DLGAP5: variants seen among roughly 807,000 people sequenced by gnomAD.
The protein encoded by DLGAP5 is disks large-associated protein 5.
DLGAP5 carries 90 observed loss-of-function variants against 99.6 expected under a neutral mutation model. The observed-to-expected ratio is 0.90, with a 90% CI of 0.76 to 1.08. DLGAP5 has a LOEUF of 1.08. Ranked by LOEUF, DLGAP5 falls within the 50% of genes least tolerant of loss-of-function variation. The pLI is 0.00. For synonymous variants in DLGAP5, 311 were observed against 321.3 expected (o/e 0.97, Z 0.34); for missense variants, 1,036 against 983.5 (o/e 1.05, Z -0.71).
intron 14 of DLGAP5, among the ~76,000 whole-genome samples, chr14:55,155,476 A>G (rs1882181753): frequency 6.7e-6 from 1 of 148,846 alleles, no homozygotes; most frequent in African/African-American, 2.5e-5. Context: ...CCTCCCGAGT[A>G]GCTGGGATTA....
chr14:55,153,586 T>G (rs919434839), intron 15 of DLGAP5, among the ~76,000 whole-genome samples: 1 of 151,958 alleles, frequency 6.6e-6, no homozygotes, highest in Admixed American at 6.6e-5. Flanking sequence ...AGTTACTTTT[T>G]AAAAAAGATA....
chr14:55,170,581 T>C, intron 11 of DLGAP5, 121 bp downstream of exon 11: 1 of 826,530 alleles, frequency 1.2e-6, no homozygotes, highest in Non-Finnish European at 1.9e-6. Flanking sequence ...AAGAAAAAAT[T>C]CTTGCTACTT....
At chr14:55,179,547 T>A in intron 7 of DLGAP5, 82 bp downstream of exon 7, 1 of 1,211,558 alleles carries the variant, frequency 8.3e-7, no homozygotes, top group South Asian at 1.4e-5. Flanking sequence ...TTGAAGCAGT[T>A]CTTTATGTTT....
rs755073442 is a variant in DLGAP5 at position 55,151,701 on chromosome 14, G to GA, written c.2361dup (p.Gln788SerfsTer6). On this transcript the variant is annotated frameshift_variant, in exon 17 of 19. Transcript: ENST00000247191. LOFTEE classifies it high-confidence loss of function. ...TATATTTTAAATATCTCACCTGACT[G>GA]AGAAATTTTAGTTTCCCCTTCTTCT... 2 of 1,612,166 alleles carry GA rather than the reference G, an allele frequency of 1.2e-6. No homozygotes were observed. Among genetic ancestry groups the GA allele is most frequent in the Non-Finnish European group, 1.7e-6 (2 of 1,179,426 alleles).
rs1334404057 is a variant in DLGAP5 at position 55,189,121 on chromosome 14, C to T, written c.59G>A (p.Arg20Lys). The change falls in exon 2 of 19, where the codon AGA becomes AAA. Residue 20 changes from arginine to lysine, a missense_variant. Physicochemically the swap from Arg to Lys is conservative, Grantham distance 26. Transcript: ENST00000247191. Reference sequence around the variant, plus strand: ...TGATTTCCTATGAGCAATTTTAGTTCTAATCATTTCAGTACTTATATCCTT... The same window carrying T: ...TGATTTCCTATGAGCAATTTTAGTTTTAATCATTTCAGTACTTATATCCTT... ...HRKDISTEMI[R>K]TKIAHRKSLS... 1.9e-6 allele frequency: 3 copies of T among 1,613,744 alleles called. No individual in the cohort carries two copies. Among genetic ancestry groups the T allele is most frequent in the Non-Finnish European group, 1.7e-6 (2 of 1,179,938 alleles).
intron 12 of DLGAP5, 149 bp downstream of exon 12, chr14:55,169,250 T>A (rs892987310): frequency 2.4e-6 from 1 of 423,396 alleles, no homozygotes; most frequent in South Asian, 8.7e-5. Context: ...ATTTAGATCA[T>A]GTTTTACAGT....
chr14:55,168,086 G>C (rs1228954300), intron 12 of DLGAP5, among the ~76,000 whole-genome samples: 2 of 152,056 alleles, frequency 1.3e-5, no homozygotes, highest in African/African-American at 4.8e-5. Flanking sequence ...CTGTCTTACA[G>C]CTTGTACTAC....
intron 18 of DLGAP5, among the ~76,000 whole-genome samples, chr14:55,149,020 G>C (rs1421158523): frequency 1.3e-5 from 2 of 152,040 alleles, no homozygotes; most frequent in Non-Finnish European, 2.9e-5. Flanking sequence ...CCTGCTTCAA[G>C]TTCAAATTAT....
At chr14:55,176,980 A>C in intron 8 of DLGAP5, 82 bp downstream of exon 8, 2 of 688,484 alleles carry the variant, frequency 2.9e-6, no homozygotes, top group Non-Finnish European at 3.6e-6. Flanking sequence ...CCGTCTGAAA[A>C]AAAAAAAAAA....
intron 10 of DLGAP5, among the ~76,000 whole-genome samples, chr14:55,174,385 C>T (rs1055665267): frequency 5.9e-5 from 9 of 152,140 alleles, no homozygotes; most frequent in African/African-American, 1.7e-4. Context: ...GCCCTGGTCC[C>T]GTGATCTCAC....
chr14:55,176,495 A>G (rs7145627), intron 8 of DLGAP5, among the ~76,000 whole-genome samples: 3,207 of 152,300 alleles, frequency 0.021, 122 homozygotes, highest in African/African-American at 0.073. Flanking sequence ...TGTATGTGTT[A>G]TAATTAAGTC....
chr14:55,167,090 C>A (rs1260333444), intron 12 of DLGAP5, among the ~76,000 whole-genome samples: 1 of 151,564 alleles, frequency 6.6e-6, no homozygotes, highest in African/African-American at 2.4e-5. Flanking sequence ...CCCATCTCTA[C>A]TAAAAATACA....
chr14:55,175,542 G>C, intron 9 of DLGAP5, 70 bp from the exon 10 acceptor site: 3 of 955,366 alleles, frequency 3.1e-6, no homozygotes, highest in Non-Finnish European at 4.6e-6. Context: ...CCCCTAAAAA[G>C]ACATTTTAAA....
intron 10 of DLGAP5, among the ~76,000 whole-genome samples, chr14:55,174,720 C>G (rs1882994203): frequency 6.6e-6 from 1 of 151,482 alleles, no homozygotes; most frequent in Non-Finnish European, 1.5e-5. Context: ...GAGATGGAGT[C>G]TCACTCTGTT....
chr14:55,149,792 T>C (rs1249386473), intron 18 of DLGAP5, among the ~76,000 whole-genome samples: 1 of 113,266 alleles, frequency 8.8e-6, no homozygotes, highest in African/African-American at 3.8e-5. Flanking sequence ...ACGCCTGTAA[T>C]CCCAGCACTT....
At chr14:55,176,334 CT>C (rs1357951441) in intron 8 of DLGAP5, among the ~76,000 whole-genome samples, 4 of 152,082 alleles carry the variant, frequency 2.6e-5, no homozygotes, top group African/African-American at 9.7e-5. Context: ...CTTGCCTTTT[CT>C]TTTAAAGGTT....
rs148138937 is a variant in DLGAP5, at chr14:55,181,289, G to A, written c.504C>T (p.Asn168=). ...KDQMEQTKID[N]ESDVRAIRPG... ...GTCGGATTGCTCGAACATCACTCTC[G>A]TTATCAATCTATTTAAGAGATTAGG... The change falls in exon 5 of 19, where the codon AAC becomes AAT. Residue 168 remains asparagine (N), a synonymous_variant. Coordinates refer to ENST00000247191, the MANE Select transcript of DLGAP5 (RefSeq NM_014750.5). 31 of 1,613,506 alleles carry A rather than the reference G, an allele frequency of 1.9e-5. No individual in the cohort carries two copies. Among genetic ancestry groups the A allele is most frequent in the Middle Eastern group, 3.3e-4 (2 of 6,082 alleles).
At chr14:55,181,417 C>A in intron 4 of DLGAP5, 120 bp from the exon 5 acceptor site, 2 of 645,802 alleles carry the variant, frequency 3.1e-6, no homozygotes, top group Admixed American at 3.7e-5. Flanking sequence ...CCAACAACAA[C>A]AACAAAAAAC....
chr14:55,162,907 GATGT>G (rs1882498189), intron 13 of DLGAP5, 60 bp downstream of exon 13: 2 of 649,696 alleles, frequency 3.1e-6, no homozygotes, highest in Non-Finnish European at 4.9e-6. Flanking sequence ...TAGAAATTTG[GATGT>G]ATGTATAACA....
Sources: allele counts gnomAD v4.1 joint callset (sites outside exome capture counted in the v4.1 genomes callset), GRCh38; gene constraint gnomAD v4.1.1; transcripts MANE v1.5; gene names NCBI Gene and HGNC (gene_info 2026-07-23, HGNC 2026-07-21).